TENM3: variants seen among roughly 807,000 people sequenced by gnomAD.
TENM3 encodes the protein teneurin transmembrane protein 3.
In TENM3, 63 loss-of-function variants were observed where a neutral mutation model predicts 255.1. That is an observed-to-expected ratio of 0.25 (90% CI 0.20 to 0.30). TENM3 has a LOEUF of 0.30. Ranked by LOEUF, TENM3 falls within the 10% of genes least tolerant of loss-of-function variation. TENM3 has a pLI of 1.00. For missense variants in TENM3, 2,929 were observed against 3,461.1 expected, an observed-to-expected ratio of 0.85 and a Z score of 3.86; for synonymous variants, 1,306 against 1,322.3, an observed-to-expected ratio of 0.99 and a Z score of 0.27.
chr4:181,851,354 G>A, the TENM3 span, among the ~76,000 whole-genome samples: 1 of 152,112 alleles, frequency 6.6e-6, no homozygotes, highest in African/African-American at 2.4e-5. Context: ...CAAAGTCGGA[G>A]TTACCCAGCA....
chr4:182,559,023 G>A (rs563500248), intron 3 of TENM3, among the ~76,000 whole-genome samples: 2 of 152,038 alleles, frequency 1.3e-5, no homozygotes, highest in African/African-American at 4.8e-5. Flanking sequence ...TTTCCAGGGT[G>A]TCAGCTGTGA....
the TENM3 span, among the ~76,000 whole-genome samples, chr4:182,038,230 T>C: frequency 6.6e-6 from 1 of 150,968 alleles, no homozygotes; most frequent in Non-Finnish European, 1.5e-5. Context: ...GATTCATTGA[T>C]AACTTCTTCT....
the TENM3 span, among the ~76,000 whole-genome samples, chr4:182,044,339 C>G: frequency 6.6e-6 from 1 of 152,162 alleles, no homozygotes; most frequent in Non-Finnish European, 1.5e-5. Context: ...GTGTGCCTGT[C>G]CTGATTTACA....
the TENM3 span, among the ~76,000 whole-genome samples, chr4:181,542,717 CAGA>C: frequency 1.3e-5 from 2 of 152,184 alleles, no homozygotes; most frequent in African/African-American, 4.8e-5. Context: ...CCAATAACAG[CAGA>C]AGAATTCATT....
intron 24 of TENM3, among the ~76,000 whole-genome samples, chr4:182,777,541 G>GTGTGTGTGTGTGTT (rs1579462872): frequency 2.8e-5 from 3 of 106,400 alleles, no homozygotes; most frequent in African/African-American, 4.1e-5. Context: ...GTGTGTGTGT[G>GTGTGTGTGTGTGTT]TATTTCTTTT....
chr4:182,401,903 G>A (rs533510846), intron 3 of TENM3, among the ~76,000 whole-genome samples: 1 of 152,286 alleles, frequency 6.6e-6, no homozygotes, highest in East Asian at 1.9e-4. Flanking sequence ...AGATGAGAAG[G>A]GATGGTGCGA....
chr4:182,782,265 C>T (rs1263847080), intron 24 of TENM3, among the ~76,000 whole-genome samples: 17 of 101,712 alleles, frequency 1.7e-4, no homozygotes, highest in Non-Finnish European at 3.1e-4. Flanking sequence ...TCTTTGTTCT[C>T]GTTGGTTTCA....
chr4:182,237,370 G>GTTTTTTTT (rs1554036264), intron 1 of TENM3, among the ~76,000 whole-genome samples: 2 of 101,680 alleles, frequency 2.0e-5, no homozygotes, highest in East Asian at 2.3e-4. Flanking sequence ...CAGACATTCT[G>GTTTTTTTT]TTTTCTTTTT....
intron 3 of TENM3, among the ~76,000 whole-genome samples, chr4:182,502,202 C>G (rs1736385138): frequency 6.6e-6 from 1 of 152,166 alleles, no homozygotes; most frequent in African/African-American, 2.4e-5. Context: ...TAAACCCTAC[C>G]ACCCTGCACC....
the TENM3 span, among the ~76,000 whole-genome samples, chr4:181,461,607 A>G: frequency 3.8e-3 from 582 of 152,234 alleles, 4 homozygotes; most frequent in African/African-American, 0.013. Flanking sequence ...TACAATTTCA[A>G]GGTCAATAGT....
intron 18 of TENM3, among the ~76,000 whole-genome samples, chr4:182,742,133 G>C (rs796504252): frequency 2.0e-5 from 3 of 152,326 alleles, no homozygotes; most frequent in African/African-American, 7.2e-5. Context: ...ACTGTGCATG[G>C]AACAATAGCA....
chr4:182,085,113 T>C, the TENM3 span: 9 of 152,218 alleles, frequency 5.9e-5, no homozygotes, highest in African/African-American at 1.9e-4. Context: ...GAGAATAATG[T>C]TGGCTCTGTG....
chr4:182,476,986 G>A (rs971868581), intron 3 of TENM3, among the ~76,000 whole-genome samples: 1 of 152,166 alleles, frequency 6.6e-6, no homozygotes, highest in Non-Finnish European at 1.5e-5. Flanking sequence ...CATGCCAGAG[G>A]ACAGCCGCTA....
In TENM3 at chr4:182,680,261, A is replaced by T. The variant is rs202236277; in HGVS notation, c.1551A>T (p.Glu517Asp). 3 of 1,612,908 alleles carry T rather than the reference A, an allele frequency of 1.9e-6. No individual in the cohort carries two copies. ...CTTTTTCTTCAGAGTCTGTGGTGGA[A>T]TGTCCCCGAAATTGCCATGGAAATG... ...FNTIVIESVV[E>D]CPRNCHGNGE... Residue 517 changes from glutamate to aspartate, a missense_variant, in exon 9 of 28, where the codon GAA becomes GAT. By Grantham distance (45) the Glu-to-Asp change is conservative. Around this residue, in one of 6 missense-constraint regions of TENM3, gnomAD observed 1,608 missense variants for 1,884.4 expected, o/e 0.85. Coordinates refer to ENST00000511685, the MANE Select transcript of TENM3 (RefSeq NM_001080477.4).
chr4:181,454,887 G>T, the TENM3 span, among the ~76,000 whole-genome samples: 743 of 151,892 alleles, frequency 4.9e-3, 7 homozygotes, highest in Middle Eastern at 0.027. Context: ...CAGATTAAAG[G>T]TTTGTTTAAG....
the TENM3 span, among the ~76,000 whole-genome samples, chr4:181,806,125 T>C: frequency 6.6e-6 from 1 of 152,238 alleles, no homozygotes; most frequent in East Asian, 1.9e-4. Flanking sequence ...TATAAAGAAC[T>C]TGATAAAATA....
the TENM3 span, among the ~76,000 whole-genome samples, chr4:181,923,065 T>C: frequency 6.6e-6 from 1 of 152,228 alleles, no homozygotes; most frequent in Admixed American, 6.5e-5. Flanking sequence ...TTCTTAATCC[T>C]GAGTTCTAGT....
the TENM3 span, among the ~76,000 whole-genome samples, chr4:182,081,394 G>A: frequency 6.6e-6 from 1 of 151,838 alleles, no homozygotes; most frequent in East Asian, 1.9e-4. Flanking sequence ...GACCAGCCTG[G>A]CCAATATGGT....
the TENM3 span, among the ~76,000 whole-genome samples, chr4:181,920,200 G>C: frequency 6.6e-6 from 1 of 152,154 alleles, no homozygotes; most frequent in Admixed American, 6.5e-5. Flanking sequence ...ACATACGTGT[G>C]CATATGTCTT....
Sources: allele counts gnomAD v4.1 joint callset (sites outside exome capture counted in the v4.1 genomes callset), GRCh38; gene constraint gnomAD v4.1.1; regional missense constraint gnomAD v4.1.1; transcripts MANE v1.5; gene names NCBI Gene and HGNC (gene_info 2026-07-23, HGNC 2026-07-21).